Variants in RSPO2 observed in about 807,000 individuals in gnomAD.
RSPO2 encodes R-spondin 2, also known as R-spondin-2.
RSPO2 carries 14 observed loss-of-function variants against 30.9 expected under a neutral mutation model. The ratio of observed to expected loss-of-function variants is 0.45; its 90% CI spans 0.30 to 0.71. The LOEUF (loss-of-function observed/expected upper bound fraction) is 0.71, where lower values mean the gene tolerates loss of function less well. Ranked by LOEUF, RSPO2 falls within the 30% of genes least tolerant of loss-of-function variation. The pLI, the probability that RSPO2 is intolerant of heterozygous loss-of-function variation, is 0.08. For synonymous variants in RSPO2, 107 were observed against 96.4 expected (o/e 1.11, Z -0.64); for missense variants, 264 against 301.9 (o/e 0.87, Z 0.93).
intron 5 of RSPO2, among the ~76,000 whole-genome samples, chr8:107,941,987 C>T (rs117834846): frequency 0.025 from 3,816 of 152,218 alleles, 74 homozygotes; most frequent in Non-Finnish European, 0.038. Context: ...AAACTGCCAC[C>T]ATCTGTAGGA....
At position 108,001,863 on chromosome 8, in the gene RSPO2, T is replaced by C. The variant is rs1305946074; in HGVS notation, c.95-12619A>G. Among the ~76,000 whole-genome samples the C allele has an allele frequency of 2.6e-5, 4 of 152,048 alleles. No individual in the cohort carries two copies. The East Asian group carries it at 5.8e-4, about 22-fold the overall frequency. On this transcript the variant is annotated intron_variant, in intron 2 of 5. Transcript: ENST00000276659. ...ACACATGGACACAGAGAGGGGAACA[T>C]CACACACCAGGGCCTGTCTGGCAGG...
intron 5 of RSPO2, among the ~76,000 whole-genome samples, chr8:107,916,809 T>C (rs894515891): frequency 6.6e-6 from 1 of 152,340 alleles, no homozygotes; most frequent in East Asian, 1.9e-4. Context: ...TCTCAGTCCA[T>C]GTGCCCAAAT....
At chr8:107,929,587 G>A (rs1326431167) in intron 5 of RSPO2, among the ~76,000 whole-genome samples, 1 of 152,154 alleles carries the variant, frequency 6.6e-6, no homozygotes, top group African/African-American at 2.4e-5. Context: ...AGCTTGGAGA[G>A]CTTATACAGA....
intron 2 of RSPO2, among the ~76,000 whole-genome samples, chr8:108,041,691 T>C (rs937166232): frequency 1.3e-5 from 2 of 152,082 alleles, no homozygotes; most frequent in Non-Finnish European, 2.9e-5. Flanking sequence ...AAAGACACCA[T>C]AGAATAAAGA....
chr8:108,045,714 A>G (rs919141685), intron 2 of RSPO2, among the ~76,000 whole-genome samples: 3 of 152,154 alleles, frequency 2.0e-5, no homozygotes, highest in African/African-American at 7.2e-5. Flanking sequence ...TTTTCTGGAC[A>G]TTAAAAGATA....
chr8:107,957,590 A>T (rs1056677766), intron 5 of RSPO2, among the ~76,000 whole-genome samples: 54 of 152,348 alleles, frequency 3.5e-4, no homozygotes, highest in Admixed American at 1.4e-3. Context: ...TTGTGGTAAC[A>T]TTAAGACAAT....
intron 2 of RSPO2, chr8:107,989,480 G>A (rs1213391066): frequency 8.9e-6 from 4 of 450,224 alleles, no homozygotes; most frequent in African/African-American, 2.1e-5. Flanking sequence ...AGAAGCTAAA[G>A]CTGAATGGCT....
intron 2 of RSPO2, among the ~76,000 whole-genome samples, chr8:107,993,590 G>T (rs747538636): frequency 5.9e-5 from 9 of 152,118 alleles, no homozygotes; most frequent in Non-Finnish European, 1.3e-4. Flanking sequence ...CTGGAAAGGG[G>T]CATAATAGAA....
intron 5 of RSPO2, among the ~76,000 whole-genome samples, chr8:107,936,684 T>A (rs1812733319): frequency 6.6e-6 from 1 of 152,192 alleles, no homozygotes; most frequent in Admixed American, 6.6e-5. Flanking sequence ...ATTTTGGATT[T>A]TTTATTTTTA....
chr8:107,986,644 CCAGTGTCCCA>C (rs1814645265), intron 3 of RSPO2, among the ~76,000 whole-genome samples: 1 of 152,128 alleles, frequency 6.6e-6, no homozygotes, highest in Non-Finnish European at 1.5e-5. Flanking sequence ...CTCTCATTTC[CCAGTGTCCCA>C]CATTGAGTAA....
At chr8:108,034,193 G>A (rs11778403) in intron 2 of RSPO2, among the ~76,000 whole-genome samples, 14,062 of 132,656 alleles carry the variant, frequency 0.11, 834 homozygotes, top group Middle Eastern at 0.22. Flanking sequence ...GAGGTTCTGG[G>A]GGTTTTTTTT....
chr8:107,947,637 T>C (rs1813108502), intron 5 of RSPO2, among the ~76,000 whole-genome samples: 1 of 152,226 alleles, frequency 6.6e-6, no homozygotes. Context: ...CTCTGTTTAA[T>C]GCTCTGCCCT....
intron 3 of RSPO2, among the ~76,000 whole-genome samples, chr8:107,970,009 C>T (rs767044000): frequency 6.6e-6 from 1 of 152,146 alleles, no homozygotes; most frequent in South Asian, 2.1e-4. Context: ...ATATGTGGTG[C>T]CCTCCACTCA....
intron 5 of RSPO2, among the ~76,000 whole-genome samples, chr8:107,955,110 G>A (rs1475005452): frequency 6.6e-6 from 1 of 152,146 alleles, no homozygotes; most frequent in African/African-American, 2.4e-5. Flanking sequence ...AATGCAGGGG[G>A]CAGCTACTGG....
At chr8:107,941,517 G>A (rs1563531045) in intron 5 of RSPO2, among the ~76,000 whole-genome samples, 1 of 152,080 alleles carries the variant, frequency 6.6e-6, no homozygotes, top group Non-Finnish European at 1.5e-5. Flanking sequence ...GGCTTCTTCT[G>A]TAAAATCCAT....
chr8:107,962,328 G>C (rs947739199), intron 3 of RSPO2, among the ~76,000 whole-genome samples: 8 of 152,144 alleles, frequency 5.3e-5, no homozygotes, highest in Admixed American at 3.3e-4. Flanking sequence ...AAATAACTGT[G>C]TCTAGACCTA....
At chr8:107,985,882 T>C (rs1814610683) in intron 3 of RSPO2, among the ~76,000 whole-genome samples, 1 of 152,204 alleles carries the variant, frequency 6.6e-6, no homozygotes. Context: ...AGCTTCATAC[T>C]GTCTGCACCA....
intron 2 of RSPO2, among the ~76,000 whole-genome samples, chr8:108,065,946 G>A (rs1448239465): frequency 6.6e-6 from 1 of 152,146 alleles, no homozygotes; most frequent in East Asian, 1.9e-4. Flanking sequence ...GCTGAGGCAG[G>A]AGAATCACTT....
Position 107,900,089 on chromosome 8 carries a change from G to A in RSPO2, c.*986C>T, listed in dbSNP as rs895502520. 24 of 152,160 alleles carry A rather than the reference G, an allele frequency of 1.6e-4. No individual in the cohort carries two copies. The highest frequency in any genetic ancestry group is 5.8e-4 in the African/African-American group (24 of 41,436). The allele number at this position is 152,160 out of a possible 1,614,324, so 9.4% of individuals were successfully genotyped here. ...AATTCTGTAGCTGGCCTGTGAAACT[G>A]GCTACAAGTGACTGGATATAGTCCC... On this transcript the variant is annotated 3_prime_UTR_variant, in exon 6 of 6. Coordinates refer to ENST00000276659, the MANE Select transcript of RSPO2 (RefSeq NM_178565.5).
Sources: allele counts gnomAD v4.1 joint callset (sites outside exome capture counted in the v4.1 genomes callset), GRCh38; gene constraint gnomAD v4.1.1; transcripts MANE v1.5; gene names NCBI Gene and HGNC (gene_info 2026-07-23, HGNC 2026-07-21).